The following ZNF441 variants were observed in gnomAD, a reference collection of about 807,000 sequenced individuals.
ZNF441 encodes the protein zinc finger protein 441.
A neutral mutation model predicts 64.5 loss-of-function variants in ZNF441; 25 were observed. That is an observed-to-expected ratio of 0.39 (90% confidence interval 0.28 to 0.54). The LOEUF (loss-of-function observed/expected upper bound fraction) is 0.54. ZNF441 is among the 20% of genes least tolerant of loss of function. The probability of loss-of-function intolerance (pLI) is 0.70; values close to 1 mark genes in which losing one functional copy is unlikely to be tolerated. For missense variants in ZNF441, 715 were observed against 843.3 expected (o/e 0.85, Z 1.88); for synonymous variants, 262 against 268.0 (o/e 0.98, Z 0.22).
rs548305667 is a variant in ZNF441, at chr19:11,767,796, A to G, written c.3+600A>G. ...AAAGAACTCAGGCGACTCTTGAGCA[A>G]CTCTCAGAGATCTCATCCCCAAGCA... On this transcript the variant is annotated intron_variant, in intron 1 of 3. Coordinates refer to ENST00000357901, the MANE Select transcript of ZNF441 (RefSeq NM_152355.3). This position sits in a 1 kb window ranked among gnomAD's most constrained non-coding sequence, Gnocchi z 5.1. Among the ~76,000 whole-genome samples the G allele has an allele frequency of 1.3e-5, 2 of 152,150 alleles. No homozygotes were observed. The highest frequency in any genetic ancestry group is 4.1e-4 in the South Asian group (2 of 4,828).
At chr19:11,777,512 C>T in intron 1 of ZNF441, 99 bp from the exon 2 acceptor site, 1 of 1,388,720 alleles carries the variant, frequency 7.2e-7, no homozygotes, top group African/African-American at 1.4e-5. Flanking sequence ...TGAATAAATG[C>T]TTGGAAACCA....
At chr19:11,770,854 G>T (rs1159987972) in intron 1 of ZNF441, among the ~76,000 whole-genome samples, 1 of 151,598 alleles carries the variant, frequency 6.6e-6, no homozygotes, top group East Asian at 1.9e-4. Context: ...CTCCCAAAGT[G>T]CTGGGATTAC....
rs761135541 is a variant in ZNF441 at position 11,781,725 on chromosome 19, A to G, written c.1901A>G (p.Glu634Gly). ...CATTCAAGTTACTTACGAATACACG[A>G]AAGAGTTCATACTGGAGAGAAGCCG... is the stretch of plus-strand genomic sequence containing the variant. ...FSHSSYLRIH[E>G]RVHTGEKPYK... The change falls in exon 4 of 4, where the codon GAA becomes GGA. Residue 634 changes from glutamate to glycine, a missense_variant. Glu to Gly is a moderately conservative substitution (Grantham distance 98). This residue lies in a region of ZNF441 where 316 missense variants were observed against 429.3 expected (regional missense o/e 0.74). Coordinates refer to ENST00000357901, the MANE Select transcript of ZNF441 (RefSeq NM_152355.3). 3.1e-6 allele frequency: 5 copies of G among 1,614,114 alleles called. No individual in the cohort carries two copies. The highest frequency in any genetic ancestry group is 1.1e-5 in the South Asian group (1 of 91,082).
Position 11,781,234 on chromosome 19 carries a change from T to A in ZNF441, c.1410T>A (p.Thr470=). The change falls in exon 4 of 4, where the codon ACT becomes ACA. Residue 470 remains threonine (T), a synonymous_variant. Transcript: ENST00000357901. ...TTCGAGTACATGAAAAGACTCACAC[T>A]GGAGAAAAGCCCTATGAATGTAAGC... The part of the protein sequence containing the change: ...NYIRVHEKTH[T]GEKPYECKQC... 6.2e-7 allele frequency: 1 copy of A among 1,613,830 alleles called. No individual in the cohort carries two copies. The highest frequency in any genetic ancestry group is 8.5e-7 in the Non-Finnish European group (1 of 1,179,970).
chr19:11,781,519 G>A lies in ZNF441; in HGVS notation c.1695G>A (p.Gly565=), dbSNP rs1237379899. 2 of 1,613,416 alleles carry A rather than the reference G, an allele frequency of 1.2e-6. No homozygotes were observed. The highest frequency in any genetic ancestry group is 3.3e-5 in the Admixed American group (2 of 59,960). The change falls in exon 4 of 4, where the codon GGG becomes GGA. Residue 565 remains glycine (G), a synonymous_variant. Transcript: ENST00000357901. ...GEKPYGCQQC[G]KALSDLSSFR... is the part of the protein sequence containing the mutation. Reference sequence around the variant, plus strand: ...AACCCTATGGTTGTCAGCAATGTGGGAAAGCATTATCTGATCTCTCAAGCT... The same window carrying A: ...AACCCTATGGTTGTCAGCAATGTGGAAAAGCATTATCTGATCTCTCAAGCT...
At chr19:11,775,018 C>G (rs1324947295) in intron 1 of ZNF441, among the ~76,000 whole-genome samples, 1 of 152,202 alleles carries the variant, frequency 6.6e-6, no homozygotes, top group Non-Finnish European at 1.5e-5. Context: ...TCTCTGTTCC[C>G]TTAGCTTGTG....
At chr19:11,776,307 T>G (rs1975354611) in intron 1 of ZNF441, among the ~76,000 whole-genome samples, 1 of 152,182 alleles carries the variant, frequency 6.6e-6, no homozygotes, top group South Asian at 2.1e-4. Context: ...CCACAAAACT[T>G]TCCTACTATT....
chr19:11,777,060 G>A (rs563206091), intron 1 of ZNF441, among the ~76,000 whole-genome samples: 4 of 152,168 alleles, frequency 2.6e-5, no homozygotes, highest in South Asian at 2.1e-4. Context: ...TCTGCCTGCC[G>A]CGGCCTTCCA....
chr19:11,781,727 A>G lies in ZNF441; in HGVS notation c.1903A>G (p.Arg635Gly), dbSNP rs1975405890. Residue 635 changes from arginine (R) to glycine (G), a missense_variant, in exon 4 of 4, where the codon AGA (arginine) becomes GGA (glycine). This residue lies in a region of ZNF441 where 316 missense variants were observed against 429.3 expected (regional missense o/e 0.74). Coordinates refer to ENST00000357901, the MANE Select transcript of ZNF441 (RefSeq NM_152355.3). ...TTCAAGTTACTTACGAATACACGAA[A>G]GAGTTCATACTGGAGAGAAGCCGTA... ...SHSSYLRIHE[R>G]VHTGEKPYKC... 6.2e-7 allele frequency: 1 copy of G among 1,614,124 alleles called. No homozygotes were observed.
In ZNF441 at chr19:11,780,492, C is replaced by G; in HGVS notation, c.668C>G (p.Pro223Arg). ...MLRRTHTEEKPYEYEQCSTAF... is the reference protein window; with the variant it reads ...MLRRTHTEEKRYEYEQCSTAF... ...AGAAGAACTCACACTGAAGAGAAAC[C>G]ATATGAATATGAGCAGTGTTCTACA... The change falls in exon 4 of 4, where the codon CCA becomes CGA. Residue 223 changes from proline to arginine, a missense_variant. This residue lies in a region of ZNF441 where 399 missense variants were observed against 413.9 expected (regional missense o/e 0.96). Coordinates refer to ENST00000357901, the MANE Select transcript of ZNF441 (RefSeq NM_152355.3). 6.2e-7 allele frequency: 1 copy of G among 1,614,134 alleles called. No homozygotes were observed. The highest frequency in any genetic ancestry group is 1.1e-5 in the South Asian group (1 of 91,078).
intron 1 of ZNF441, among the ~76,000 whole-genome samples, chr19:11,773,159 A>T (rs1409150130): frequency 6.6e-6 from 1 of 152,102 alleles, no homozygotes; most frequent in East Asian, 1.9e-4. Context: ...CTCTTTTTTT[A>T]TCAACATTGC....
In ZNF441 at chr19:11,773,948, C is replaced by T. The variant is rs140514770; in HGVS notation, c.4-3663C>T. Among the ~76,000 whole-genome samples, 11 of 152,188 alleles carry T rather than the reference C, an allele frequency of 7.2e-5. 2 individuals carry two copies. Among genetic ancestry groups the T allele is most frequent in the African/African-American group, 2.6e-4 (11 of 41,548 alleles). ...ATAACTGATGTAATTGGATTAATATCACATATATGTTATTGTTTTCCATTT... is the reference window on the plus strand; with the variant it reads ...ATAACTGATGTAATTGGATTAATATTACATATATGTTATTGTTTTCCATTT... On this transcript the variant is annotated intron_variant, in intron 1 of 3. Transcript: ENST00000357901.
intron 1 of ZNF441, among the ~76,000 whole-genome samples, chr19:11,776,144 A>G (rs914782612): frequency 2.0e-5 from 3 of 152,352 alleles, no homozygotes; most frequent in Non-Finnish European, 2.9e-5. Flanking sequence ...ACCTTTGGAT[A>G]GTCCACAGAT....
chr19:11,770,210 T>C (rs1308068323), intron 1 of ZNF441, among the ~76,000 whole-genome samples: 1 of 152,086 alleles, frequency 6.6e-6, no homozygotes, highest in Non-Finnish European at 1.5e-5. Context: ...TCTTACATGG[T>C]GGCAGGCAAG....
rs1259487920 is a variant in ZNF441 at position 11,778,518 on chromosome 19, G to A, written c.194+125G>A. The A allele has an allele frequency of 8.1e-6, 6 of 737,034 alleles. 1 individual carries two copies. Among genetic ancestry groups the A allele is most frequent in the African/African-American group, 3.6e-5 (2 of 55,710 alleles). The allele number at this position is 737,034 out of a possible 1,614,324, so 45.7% of individuals were successfully genotyped here. A position where few individuals can be genotyped will look rare whatever the true frequency, so the allele number is the denominator to read the frequency against. Reference sequence around the variant, plus strand: ...TTGTTGCTCAGGCTGGAGTACAGTGGTATGATCATAGCTCGCTGTAGCCTC... The same window carrying A: ...TTGTTGCTCAGGCTGGAGTACAGTGATATGATCATAGCTCGCTGTAGCCTC... On this transcript the variant is annotated intron_variant, in intron 3 of 3. Coordinates refer to ENST00000357901, the MANE Select transcript of ZNF441 (RefSeq NM_152355.3).
At chr19:11,772,130 G>GC (rs1189725334) in intron 1 of ZNF441, among the ~76,000 whole-genome samples, 4 of 152,184 alleles carry the variant, frequency 2.6e-5, no homozygotes, top group Non-Finnish European at 5.9e-5. Flanking sequence ...GCAGGGAAGG[G>GC]CCCCCGTCCA....
rs1975407813 is a variant in ZNF441 at position 11,781,902 on chromosome 19, A to G, written c.2078A>G (p.His693Arg). The change falls in exon 4 of 4, where the codon CAC becomes CGC. Residue 693 changes from histidine (H) to arginine (R), a missense_variant. By Grantham distance (29) the His-to-Arg change is conservative. Coordinates refer to ENST00000357901, the MANE Select transcript of ZNF441 (RefSeq NM_152355.3). ...ISSFHKHEMT[H>R] ...TCCTTTCATAAACATGAAATGACTC[A>G]CTAGAGAAAACCCCTATGAGTGTTG... 4 of 1,582,876 alleles carry G rather than the reference A, an allele frequency of 2.5e-6. No homozygotes were observed. The highest frequency in any genetic ancestry group is 3.4e-6 in the Non-Finnish European group (4 of 1,163,202).
In ZNF441 at chr19:11,783,777, G is replaced by A. The variant is rs1198643026; in HGVS notation, c.*1871G>A. On this transcript the variant is annotated 3_prime_UTR_variant, in exon 4 of 4. Coordinates refer to ENST00000357901, the MANE Select transcript of ZNF441 (RefSeq NM_152355.3). ...TCCGGGGCTGAGAAGGGGAAATGAA[G>A]AGAAATTGGTGAATATGTACAAATT... 1 of 152,176 alleles carries A rather than the reference G, an allele frequency of 6.6e-6. No homozygotes were observed. The highest frequency in any genetic ancestry group is 1.5e-5 in the Non-Finnish European group (1 of 68,028). The allele number at this position is 152,176 out of a possible 1,614,324, so 9.4% of individuals were successfully genotyped here. A position where few individuals can be genotyped will look rare whatever the true frequency, so the allele number is the denominator to read the frequency against.
chr19:11,781,707 G>A lies in ZNF441; in HGVS notation c.1883G>A (p.Ser628Asn). Residue 628 changes from serine to asparagine, a missense_variant, in exon 4 of 4, where the codon AGT becomes AAT. Transcript: ENST00000357901. The stretch of plus-strand genomic sequence containing the variant: ...TGTGGTAAAGCCTTCAGTCATTCAA[G>A]TTACTTACGAATACACGAAAGAGTT... ...KECGKAFSHS[S>N]YLRIHERVHT... 6.2e-7 allele frequency: 1 copy of A among 1,614,046 alleles called. No individual in the cohort carries two copies. Among genetic ancestry groups the A allele is most frequent in the Non-Finnish European group, 8.5e-7 (1 of 1,179,954 alleles).
Sources: gnomAD v4.1 joint callset for allele counts (sites outside exome capture counted in the v4.1 genomes callset) on GRCh38, gnomAD v4.1.1 for gene constraint, gnomAD v4.1.1 regional missense constraint, Gnocchi (gnomAD v3.1) non-coding constraint, MANE v1.5 for transcripts, NCBI Gene and HGNC (gene_info 2026-07-23, HGNC 2026-07-21) for gene names.